The following TESMIN variants were observed in gnomAD, a reference collection of about 807,000 sequenced individuals.
TESMIN encodes testis expressed metallothionein like protein.
TESMIN carries 34 observed loss-of-function variants against 47.4 expected under a neutral mutation model. That is an observed-to-expected ratio of 0.72 (90% confidence interval 0.55 to 0.96). The LOEUF is 0.96. Ranked by LOEUF, TESMIN falls within the 40% of genes least tolerant of loss-of-function variation. TESMIN has a pLI of 0.00. For synonymous variants in TESMIN, 278 were observed against 258.9 expected (o/e 1.07, Z -0.71); for missense variants, 610 against 637.2 (o/e 0.96, Z 0.46).
At chr11:68,717,210 T>A (rs1229294451) in intron 6 of TESMIN, among the ~76,000 whole-genome samples, 1 of 152,168 alleles carries the variant, frequency 6.6e-6, no homozygotes, top group African/African-American at 2.4e-5. Context: ...AACAGGAAAG[T>A]AAAGAGGATC....
chr11:68,723,875 AC>A (rs1220232198), intron 6 of TESMIN, among the ~76,000 whole-genome samples: 1 of 152,224 alleles, frequency 6.6e-6, no homozygotes. Flanking sequence ...TGAATGAGTA[AC>A]CTATCACCTT....
chr11:68,710,669 C>G, intron 9 of TESMIN: 1 of 530,404 alleles, frequency 1.9e-6, no homozygotes, highest in Non-Finnish European at 3.3e-6. Context: ...GAGGACAAAA[C>G]AGGTTTCTGC....
At chr11:68,716,939 C>T (rs191626455) in intron 6 of TESMIN, among the ~76,000 whole-genome samples, 6 of 152,306 alleles carry the variant, frequency 3.9e-5, no homozygotes, top group African/African-American at 1.2e-4. Flanking sequence ...TTTTCCACAT[C>T]GGCTCTGCCG....
At chr11:68,716,249 C>A (rs559721704) in intron 6 of TESMIN, among the ~76,000 whole-genome samples, 1 of 152,342 alleles carries the variant, frequency 6.6e-6, no homozygotes, top group African/African-American at 2.4e-5. Flanking sequence ...AATTGCCCTC[C>A]GCCATTTTCC....
downstream of TESMIN, among the ~76,000 whole-genome samples, chr11:68,704,832 TG>T (rs1945984161): frequency 6.6e-6 from 1 of 152,262 alleles, no homozygotes; most frequent in Admixed American, 6.5e-5. Context: ...TATTAAAGTT[TG>T]TTGTTGAAAA....
chr11:68,710,793 C>T, intron 9 of TESMIN, 81 bp downstream of exon 9: 3 of 1,336,152 alleles, frequency 2.2e-6, no homozygotes, highest in Non-Finnish European at 3.1e-6. Context: ...ACATTCTTTC[C>T]AGTGTATAAA....
intron 6 of TESMIN, chr11:68,737,437 C>G (rs1946399977): frequency 2.0e-6 from 2 of 985,506 alleles, no homozygotes; most frequent in South Asian, 9.4e-5. Context: ...TTTCCAGATT[C>G]ACGGCCTTTC....
chr11:68,749,248 C>T (rs1291438167), intron 2 of TESMIN, among the ~76,000 whole-genome samples: 3 of 152,230 alleles, frequency 2.0e-5, no homozygotes, highest in Non-Finnish European at 4.4e-5. Flanking sequence ...GTGGAGGCCC[C>T]AGCCTCTGCC....
chr11:68,712,287 G>T (rs1249858385), intron 8 of TESMIN, among the ~76,000 whole-genome samples: 1 of 152,210 alleles, frequency 6.6e-6, no homozygotes, highest in South Asian at 2.1e-4. Flanking sequence ...TTCCTCGGGG[G>T]TGATGTCAGT....
In TESMIN at chr11:68,708,200, G is replaced by A. The variant is rs575062649; in HGVS notation, c.*108C>T. ...AACTCCCTGGGCCCAGGGATGCAGG[G>A]GAGCCTGGTTGTTGCTGCAGAGCCA... is the stretch of plus-strand genomic sequence containing the variant. On this transcript the variant is annotated 3_prime_UTR_variant, in exon 10 of 10. Coordinates refer to ENST00000255087, the MANE Select transcript of TESMIN (RefSeq NM_004923.3). 408 of 1,115,084 alleles carry A rather than the reference G, an allele frequency of 3.7e-4. 3 individuals are homozygous for A. The African/African-American group carries it at 6.1e-3, about 17-fold the overall frequency. The allele number at this position is 1,115,084 out of a possible 1,614,324, so 69.1% of individuals were successfully genotyped here.
chr11:68,750,418 C>G lies in TESMIN; in HGVS notation c.243G>C (p.Ala81=), dbSNP rs781169086. The G allele has an allele frequency of 2.3e-5, 36 of 1,535,364 alleles. No individual in the cohort carries two copies. Among genetic ancestry groups the G allele is most frequent in the Non-Finnish European group, 3.2e-5 (36 of 1,137,464 alleles). ...LGADCKGQVK[A]KLAGGDSDGG... ...CGTCGCTGTCGCCCCCCGCGAGCTT[C>G]GCCTTGACCTGGCCCTTGCAGTCGG... Residue 81 remains alanine (A), a synonymous_variant, in exon 2 of 10, where the codon GCG becomes GCC. Transcript: ENST00000255087.
At chr11:68,729,119 T>C (rs767127643) in intron 6 of TESMIN, among the ~76,000 whole-genome samples, 1 of 152,264 alleles carries the variant, frequency 6.6e-6, no homozygotes, top group Non-Finnish European at 1.5e-5. Context: ...CTGATGGATC[T>C]GGGCAAAGTC....
chr11:68,720,992 C>A (rs2153991154), intron 6 of TESMIN, among the ~76,000 whole-genome samples: 1 of 152,186 alleles, frequency 6.6e-6, no homozygotes, highest in East Asian at 1.9e-4. Flanking sequence ...AAAATAAGAT[C>A]ATATTCTACA....
chr11:68,743,210 A>C (rs1436754730), intron 4 of TESMIN, among the ~76,000 whole-genome samples: 1 of 146,748 alleles, frequency 6.8e-6, no homozygotes, highest in East Asian at 2.0e-4. Flanking sequence ...GCCCAGGGAC[A>C]TCTATTGGAT....
intron 6 of TESMIN, among the ~76,000 whole-genome samples, chr11:68,727,302 T>C (rs1425933520): frequency 1.3e-5 from 2 of 152,064 alleles, no homozygotes; most frequent in Non-Finnish European, 2.9e-5. Flanking sequence ...TAGCTGGGCA[T>C]GGTGATGCAT....
Position 68,710,911 on chromosome 11 carries a change from T to C in TESMIN, c.1297A>G (p.Thr433Ala), listed in dbSNP as rs150422316. The C allele has an allele frequency of 4.3e-5, 70 of 1,613,664 alleles. No individual in the cohort carries two copies. Among genetic ancestry groups the C allele is most frequent in the East Asian group, 3.6e-4 (16 of 44,888 alleles). ...AATCTTGGAAGTCCTGAAAATTTCG[T>C]TGGTGGCAGGTAATGGCTGCCTTCC... is the stretch of plus-strand genomic sequence containing the variant. ...GLEGSHYLPPTKFSGLPRFSH... is the reference protein window; with the variant it reads ...GLEGSHYLPPAKFSGLPRFSH... The change falls in exon 9 of 10, where the codon ACG (threonine) becomes GCG (alanine). Residue 433 changes from threonine (T) to alanine (A), a missense_variant. Coordinates refer to ENST00000255087, the MANE Select transcript of TESMIN (RefSeq NM_004923.3).
intron 5 of TESMIN, among the ~76,000 whole-genome samples, chr11:68,739,640 T>C (rs1946433045): frequency 6.6e-6 from 1 of 152,226 alleles, no homozygotes; most frequent in Non-Finnish European, 1.5e-5. Context: ...AAACTGTGTG[T>C]CATCACCATC....
At chr11:68,731,927 C>T (rs549979344) in intron 6 of TESMIN, among the ~76,000 whole-genome samples, 2 of 152,322 alleles carry the variant, frequency 1.3e-5, no homozygotes, top group East Asian at 1.9e-4. Flanking sequence ...GAATGCCATG[C>T]GTCAATTCAT....
rs1946009761 is a variant in TESMIN, at chr11:68,707,458, T to C, written c.*850A>G. ...ACAACAATTGAAGACATTGGAAATTTTTATTCATCTTTGCTTTACAACAGA... is the reference window on the plus strand; with the variant it reads ...ACAACAATTGAAGACATTGGAAATTCTTATTCATCTTTGCTTTACAACAGA... On this transcript the variant is annotated 3_prime_UTR_variant, in exon 10 of 10. Coordinates refer to ENST00000255087, the MANE Select transcript of TESMIN (RefSeq NM_004923.3). The C allele has an allele frequency of 5.7e-6, 1 of 175,662 alleles. No homozygotes were observed. Among genetic ancestry groups the C allele is most frequent in the Non-Finnish European group, 1.2e-5 (1 of 80,522 alleles). The allele number at this position is 175,662 out of a possible 1,614,324, so 10.9% of individuals were successfully genotyped here.
Sources: gnomAD v4.1 joint callset for allele counts (sites outside exome capture counted in the v4.1 genomes callset) on GRCh38, gnomAD v4.1.1 for gene constraint, MANE v1.5 for transcripts, NCBI Gene and HGNC (gene_info 2026-07-23, HGNC 2026-07-21) for gene names.